Variants in CPSF6 observed in about 807,000 individuals in gnomAD.
CPSF6 encodes cleavage and polyadenylation specificity factor subunit 6.
CPSF6 carries 10 observed loss-of-function variants against 56.7 expected under a neutral mutation model. The ratio of observed to expected loss-of-function variants is 0.18; its 90% CI spans 0.11 to 0.30. CPSF6 has a LOEUF of 0.30. CPSF6 is among the 10% of genes least tolerant of loss of function. The pLI, the probability that CPSF6 is intolerant of heterozygous loss-of-function variation, is 1.00. For missense variants in CPSF6, 419 were observed against 722.9 expected (o/e 0.58, Z 4.82); for synonymous variants, 248 against 244.8 (o/e 1.01, Z -0.12).
chr12:69,257,916 T>G lies in CPSF6; in HGVS notation c.694+11T>G, dbSNP rs778710065. On this transcript the variant is annotated intron_variant, in intron 5 of 9. Coordinates refer to ENST00000435070, the MANE Select transcript of CPSF6 (RefSeq NM_007007.3). ...CCCCACCTTTTCCAGGTAAAACTTT[T>G]CTTAAATTACCATGGATAAAACATG... 3.8e-6 allele frequency: 6 copies of G among 1,590,670 alleles called. No homozygotes were observed. The highest frequency in any genetic ancestry group is 5.1e-6 in the Non-Finnish European group (6 of 1,171,192).
chr12:69,260,250 G>A, intron 8 of CPSF6, 53 bp downstream of exon 8: 1 of 1,333,174 alleles, frequency 7.5e-7, no homozygotes, highest in Non-Finnish European at 1.0e-6. Flanking sequence ...TTTACAAATG[G>A]AAAAAATACT....
At chr12:69,241,000 G>A (rs1871589932) in intron 1 of CPSF6, among the ~76,000 whole-genome samples, 2 of 152,072 alleles carry the variant, frequency 1.3e-5, no homozygotes, top group South Asian at 4.1e-4. Context: ...TGGCTAATGT[G>A]GTTTTCCCAC....
At chr12:69,247,311 C>G (rs1185603713) in intron 1 of CPSF6, among the ~76,000 whole-genome samples, 2 of 151,108 alleles carry the variant, frequency 1.3e-5, no homozygotes, top group Non-Finnish European at 2.9e-5. Flanking sequence ...GAGAGAATAC[C>G]TTGTCTAAAG....
Position 69,258,959 on chromosome 12 carries a change from C to T in CPSF6, c.1064C>T (p.Pro355Leu), listed in dbSNP as rs753154651. 3.1e-6 allele frequency: 5 copies of T among 1,613,930 alleles called. No individual in the cohort carries two copies. Among genetic ancestry groups the T allele is most frequent in the Non-Finnish European group, 4.2e-6 (5 of 1,180,040 alleles). The stretch of plus-strand genomic sequence containing the variant: ...CCTCCAGGTGCCCCACCGCCAGCTC[C>T]GCATGTGAACCCAGCTTTCTTTCCT... ...GPPPGAPPPA[P>L]HVNPAFFPPP... Residue 355 changes from proline (P) to leucine (L), a missense_variant, in exon 6 of 10, where the codon CCG becomes CTG. Pro to Leu is a moderately conservative substitution (Grantham distance 98). Around this residue, in one of 4 missense-constraint regions of CPSF6, gnomAD observed 211 missense variants for 296.0 expected, o/e 0.71. Coordinates refer to ENST00000435070, the MANE Select transcript of CPSF6 (RefSeq NM_007007.3). The surrounding 1 kb of genome is among the most constrained non-coding windows in gnomAD (Gnocchi z 4.2).
chr12:69,265,774 G>A (rs1361306186), intron 9 of CPSF6, among the ~76,000 whole-genome samples: 1 of 151,590 alleles, frequency 6.6e-6, no homozygotes, highest in Non-Finnish European at 1.5e-5. Flanking sequence ...GGCTAATTTT[G>A]TAGTTTTAGT....
chr12:69,259,310 GTAAC>G (rs2120575352), intron 6 of CPSF6, 114 bp from the exon 7 acceptor site: 2 of 1,352,782 alleles, frequency 1.5e-6, no homozygotes, highest in South Asian at 3.0e-5. Context: ...ATATGGAAAA[GTAAC>G]TACTATCTCT....
intron 2 of CPSF6, chr12:69,252,086 G>A (rs1434755710): frequency 2.2e-6 from 1 of 454,216 alleles, no homozygotes; most frequent in Non-Finnish European, 4.4e-6. Context: ...TTTTTTTCAG[G>A]GGGAGACAGA....
intron 1 of CPSF6, among the ~76,000 whole-genome samples, chr12:69,244,731 T>A (rs373293303): frequency 6.6e-6 from 1 of 151,654 alleles, no homozygotes; most frequent in African/African-American, 2.4e-5. Context: ...AACTAAGATA[T>A]ACACACATTA....
Position 69,271,496 on chromosome 12 carries a change from A to G in CPSF6, c.*1988A>G, listed in dbSNP as rs1308151221. 1.3e-5 allele frequency: 2 copies of G among 151,740 alleles called. No individual in the cohort carries two copies. Among genetic ancestry groups the G allele is most frequent in the Non-Finnish European group, 3.0e-5 (2 of 67,700 alleles). The allele number at this position is 151,740 out of a possible 1,614,324, so 9.4% of individuals were successfully genotyped here. A position where few individuals can be genotyped will look rare whatever the true frequency, so the allele number is the denominator to read the frequency against. ...AACTGCACTTGAAATGAAACTGGAAATTTTATACTAATTAAATCCTTTATT... is the reference window on the plus strand; with the variant it reads ...AACTGCACTTGAAATGAAACTGGAAGTTTTATACTAATTAAATCCTTTATT... On this transcript the variant is annotated 3_prime_UTR_variant, in exon 10 of 10. Transcript: ENST00000435070.
chr12:69,255,885 G>T (rs971443250), intron 3 of CPSF6, among the ~76,000 whole-genome samples: 6 of 152,158 alleles, frequency 3.9e-5, no homozygotes, highest in African/African-American at 1.4e-4. Flanking sequence ...ACCCTAGTGG[G>T]TATGGGGTGG....
At chr12:69,240,617 T>C (rs1487088369) in intron 1 of CPSF6, among the ~76,000 whole-genome samples, 3 of 152,130 alleles carry the variant, frequency 2.0e-5, no homozygotes, top group African/African-American at 7.2e-5. Context: ...CCCCAAATCC[T>C]TATGATGTGG....
intron 1 of CPSF6, among the ~76,000 whole-genome samples, chr12:69,242,258 A>G (rs1431940347): frequency 2.0e-5 from 3 of 152,002 alleles, no homozygotes; most frequent in Admixed American, 6.6e-5. Context: ...GGATTTGTAT[A>G]CTTTGAAATT....
chr12:69,246,996 C>CA (rs1338435401), intron 1 of CPSF6, among the ~76,000 whole-genome samples: 1 of 151,754 alleles, frequency 6.6e-6, no homozygotes, highest in Non-Finnish European at 1.5e-5. Flanking sequence ...TTAGAACCAT[C>CA]AAAAAAATAT....
chr12:69,259,099 G>A lies in CPSF6; in HGVS notation c.1199+5G>A, dbSNP rs768998070. On this transcript the variant is annotated splice_donor_5th_base_variant and intron_variant, in intron 6 of 9. Coordinates refer to ENST00000435070, the MANE Select transcript of CPSF6 (RefSeq NM_007007.3). ...TGACTATGGCCCCCCTGGAAGGTAA[G>A]TTAGTGTGTATCTGTGAAAGTACTT... is the stretch of plus-strand genomic sequence containing the variant. The A allele has an allele frequency of 6.3e-7, 1 of 1,596,224 alleles. No homozygotes were observed. Among genetic ancestry groups the A allele is most frequent in the Non-Finnish European group, 8.5e-7 (1 of 1,177,248 alleles).
chr12:69,245,710 A>G (rs566387066), intron 1 of CPSF6, among the ~76,000 whole-genome samples: 4 of 152,092 alleles, frequency 2.6e-5, no homozygotes, highest in Non-Finnish European at 5.9e-5. Context: ...GGAGTCAGAA[A>G]CTCTTAATGT....
chr12:69,242,429 C>T (rs187532721), intron 1 of CPSF6, among the ~76,000 whole-genome samples: 1 of 152,284 alleles, frequency 6.6e-6, no homozygotes, highest in Admixed American at 6.5e-5. Flanking sequence ...AAAAGTGAGG[C>T]ATTCAACAGT....
chr12:69,254,819 C>T (rs1354628408), intron 3 of CPSF6, among the ~76,000 whole-genome samples: 2 of 152,122 alleles, frequency 1.3e-5, no homozygotes, highest in African/African-American at 4.8e-5. Context: ...ACCCTCCCTC[C>T]CTCAAATAAT....
At chr12:69,242,361 G>A (rs1871670080) in intron 1 of CPSF6, among the ~76,000 whole-genome samples, 1 of 151,956 alleles carries the variant, frequency 6.6e-6, no homozygotes, top group African/African-American at 2.4e-5. Flanking sequence ...AAGCTTTTTT[G>A]TATTTTGGTA....
chr12:69,261,139 A>G (rs1401027487), intron 8 of CPSF6, among the ~76,000 whole-genome samples: 1 of 152,140 alleles, frequency 6.6e-6, no homozygotes, highest in African/African-American at 2.4e-5. Flanking sequence ...AGTGTACTCT[A>G]TCTGGTAGTA....
Sources: allele counts gnomAD v4.1 joint callset (sites outside exome capture counted in the v4.1 genomes callset), GRCh38; gene constraint gnomAD v4.1.1; regional missense constraint gnomAD v4.1.1; non-coding constraint Gnocchi (gnomAD v3.1); transcripts MANE v1.5; gene names NCBI Gene and HGNC (gene_info 2026-07-23, HGNC 2026-07-21).